The following SPART variants were observed in gnomAD, a reference collection of about 807,000 sequenced individuals.
SPART encodes spastic paraplegia 20 (Troyer syndrome).
Under a neutral mutation model 58.7 loss-of-function variants are expected in SPART, and 35 were observed. That is an observed-to-expected ratio of 0.60 (90% CI 0.46 to 0.79). The LOEUF is 0.79. SPART is among the 30% of genes least tolerant of loss of function. The probability of loss-of-function intolerance (pLI) is 0.00; values close to 1 mark genes in which losing one functional copy is unlikely to be tolerated. For missense variants in SPART, 730 were observed against 786.1 expected, an observed-to-expected ratio of 0.93 and a Z score of 0.85; for synonymous variants, 284 against 280.7, an observed-to-expected ratio of 1.01 and a Z score of -0.12.
chr13:36,329,674 CTTT>C (rs1427307030), intron 3 of SPART, among the ~76,000 whole-genome samples, 157 bp from the exon 4 acceptor site: 1 of 152,178 alleles, frequency 6.6e-6, no homozygotes, highest in Non-Finnish European at 1.5e-5. Flanking sequence ...CTACGATTCT[CTTT>C]TGTTTCATCA....
At chr13:36,332,527 A>T (rs998192752) in intron 2 of SPART, among the ~76,000 whole-genome samples, 13 of 152,196 alleles carry the variant, frequency 8.5e-5, no homozygotes, top group African/African-American at 3.1e-4. Flanking sequence ...ATGAATAAAT[A>T]AGAAATTCAG....
chr13:36,310,845 G>C (rs1255054801), intron 8 of SPART, among the ~76,000 whole-genome samples: 2 of 141,142 alleles, frequency 1.4e-5, no homozygotes, highest in Non-Finnish European at 3.2e-5. Flanking sequence ...TCCCTTGCTC[G>C]TGCTCCCTTG....
At chr13:36,318,937 C>G (rs1184240207) in intron 5 of SPART, among the ~76,000 whole-genome samples, 1 of 152,144 alleles carries the variant, frequency 6.6e-6, no homozygotes, top group East Asian at 1.9e-4. Context: ...CCGATCGCCT[C>G]GGAAGCCCCC....
chr13:36,360,791 C>T (rs1280804745), intron 1 of SPART: 3 of 152,708 alleles, frequency 2.0e-5, no homozygotes, highest in Non-Finnish European at 4.4e-5. Flanking sequence ...TCTGAATTTT[C>T]ACATCAATAT....
At chr13:36,320,416 C>T (rs1443520282) in intron 5 of SPART, among the ~76,000 whole-genome samples, 2 of 152,284 alleles carry the variant, frequency 1.3e-5, no homozygotes, top group African/African-American at 4.8e-5. Context: ...ACCCTGATCA[C>T]GCTTGATTTA....
chr13:36,331,641 T>C (rs1566127993), intron 2 of SPART, 45 bp from the exon 3 acceptor site: 1 of 1,322,274 alleles, frequency 7.6e-7, no homozygotes, highest in Non-Finnish European at 1.1e-6. Context: ...TATAAATAAA[T>C]GAAACTAGAT....
intron 1 of SPART, among the ~76,000 whole-genome samples, chr13:36,366,702 G>A (rs1029966288): frequency 2.0e-5 from 3 of 152,128 alleles, no homozygotes; most frequent in African/African-American, 7.2e-5. Flanking sequence ...CTCTGTCTCT[G>A]TACGGGGGAA....
intron 2 of SPART, among the ~76,000 whole-genome samples, chr13:36,332,586 C>A (rs1883560660): frequency 6.6e-6 from 1 of 152,202 alleles, no homozygotes; most frequent in Admixed American, 6.5e-5. Context: ...CCAAGAGAAC[C>A]TGACATAACA....
chr13:36,314,146 A>T (rs1881422722), intron 6 of SPART, 81 bp downstream of exon 6: 1 of 1,358,736 alleles, frequency 7.4e-7, no homozygotes, highest in Admixed American at 1.7e-5. Flanking sequence ...AACCATCTAA[A>T]TGAACATGCA....
At chr13:36,350,258 A>G (rs1885359834), upstream of SPART, among the ~76,000 whole-genome samples, 1 of 152,138 alleles carries the variant, frequency 6.6e-6, no homozygotes. Context: ...TAGATCTCGC[A>G]GGTGAGGTCT....
rs756526941 is a variant in SPART at position 36,304,561 on chromosome 13, T to C, written c.1805A>G (p.Tyr602Cys). 2 of 1,614,150 alleles carry C rather than the reference T, an allele frequency of 1.2e-6. No individual in the cohort carries two copies. Among genetic ancestry groups the C allele is most frequent in the South Asian group, 2.2e-5 (2 of 91,086 alleles). Residue 602 changes from tyrosine (Y) to cysteine (C), a missense_variant, in exon 9 of 9, where the codon TAC (tyrosine) becomes TGC (cysteine). Coordinates refer to ENST00000438666, the MANE Select transcript of SPART (RefSeq NM_015087.5). ...DSAVNVGVTA[Y>C]NINNIGIKAM... ...TTTGATACCAATGTTGTTAATATTG[T>C]AGGCAGTTACGCCAACATTGACCGC...
chr13:36,336,967 A>G (rs1178834278), intron 1 of SPART, among the ~76,000 whole-genome samples: 3 of 152,226 alleles, frequency 2.0e-5, no homozygotes, highest in Non-Finnish European at 2.9e-5. Flanking sequence ...GGTCTATGAT[A>G]TGACATAAAT....
intron 1 of SPART, among the ~76,000 whole-genome samples, chr13:36,343,809 A>G (rs527709442): frequency 1.1e-3 from 164 of 152,330 alleles, no homozygotes; most frequent in South Asian, 3.7e-3. Flanking sequence ...ACAAATATTG[A>G]GCAGCTTGCC....
intron 8 of SPART, among the ~76,000 whole-genome samples, chr13:36,311,007 T>C (rs539008092): frequency 8.5e-5 from 13 of 152,288 alleles, no homozygotes; most frequent in African/African-American, 3.1e-4. Flanking sequence ...CTTCTCTGTG[T>C]GTCACCTGAC....
chr13:36,301,912 C>T lies in SPART; in HGVS notation c.*2453G>A, dbSNP rs1880020135. 6.6e-6 allele frequency: 1 copy of T among 152,150 alleles called. No individual in the cohort carries two copies. Among genetic ancestry groups the T allele is most frequent in the African/African-American group, 2.4e-5 (1 of 41,430 alleles). 9.4% of individuals were successfully genotyped at this position (152,150 alleles called of 1,614,324 possible). On this transcript the variant is annotated 3_prime_UTR_variant, in exon 9 of 9. Coordinates refer to ENST00000438666, the MANE Select transcript of SPART (RefSeq NM_015087.5). ...ATGAACACTTAAATTGTGGTATACT[C>T]ACACAGAATACTATAGAGCAAGTAA...
At chr13:36,311,058 C>A (rs1429156170) in intron 8 of SPART, among the ~76,000 whole-genome samples, 2 of 152,154 alleles carry the variant, frequency 1.3e-5, no homozygotes, top group Non-Finnish European at 2.9e-5. Context: ...TCAGGGTCTC[C>A]TAGAGAGTAG....
intron 5 of SPART, among the ~76,000 whole-genome samples, chr13:36,316,038 G>T (rs577108475): frequency 3.9e-5 from 6 of 152,168 alleles, no homozygotes; most frequent in African/African-American, 1.4e-4. Context: ...ATATTTCATC[G>T]GTAGCTATGT....
chr13:36,310,657 A>C (rs1019854529), intron 8 of SPART, among the ~76,000 whole-genome samples: 1 of 152,080 alleles, frequency 6.6e-6, no homozygotes, highest in Admixed American at 6.5e-5. Flanking sequence ...ACACCCCCAC[A>C]GCTGCTGACC....
At chr13:36,349,467 T>C (rs1885327754), upstream of SPART, among the ~76,000 whole-genome samples, 1 of 152,182 alleles carries the variant, frequency 6.6e-6, no homozygotes, top group South Asian at 2.1e-4. Flanking sequence ...ACCATATTGC[T>C]TTCTGTTTGG....
Sources: gnomAD v4.1 joint callset for allele counts (sites outside exome capture counted in the v4.1 genomes callset) on GRCh38, gnomAD v4.1.1 for gene constraint, MANE v1.5 for transcripts, NCBI Gene and HGNC (gene_info 2026-07-23, HGNC 2026-07-21) for gene names.